The following RNF17 variants were observed in gnomAD, a reference collection of about 807,000 sequenced individuals.
The protein encoded by RNF17 is spermatogenesis associated 23.
A neutral mutation model predicts 200.5 loss-of-function variants in RNF17; 31 were observed. That is an observed-to-expected ratio of 0.15 (90% CI 0.12 to 0.21). RNF17 has a LOEUF of 0.21. Ranked by LOEUF, RNF17 falls within the 10% of genes least tolerant of loss-of-function variation. The pLI is 1.00. For synonymous variants in RNF17, 606 were observed against 637.8 expected (o/e 0.95, Z 0.75); for missense variants, 1,628 against 1,905.1 (o/e 0.85, Z 2.71).
intron 17 of RNF17, 84 bp downstream of exon 17, chr13:24,830,683 T>G: frequency 1.0e-6 from 1 of 962,924 alleles, no homozygotes; most frequent in South Asian, 1.4e-5. Context: ...ATCATAGAAA[T>G]GTTAGTGTCC....
intron 23 of RNF17, among the ~76,000 whole-genome samples, chr13:24,851,151 C>A (rs536349240): frequency 1.3e-5 from 2 of 152,178 alleles, no homozygotes; most frequent in African/African-American, 4.8e-5. Flanking sequence ...TGCGCCACCA[C>A]GCCTGGCTAA....
intron 10 of RNF17, 99 bp downstream of exon 10, chr13:24,793,445 C>A: frequency 9.2e-7 from 1 of 1,082,020 alleles, no homozygotes; most frequent in Non-Finnish European, 1.3e-6. Context: ...AATATAATTG[C>A]TGTTATAATC....
At chr13:24,809,273 C>T (rs1316493904) in intron 15 of RNF17, among the ~76,000 whole-genome samples, 1 of 150,976 alleles carries the variant, frequency 6.6e-6, no homozygotes, top group Non-Finnish European at 1.5e-5. Context: ...TCCATCTGGT[C>T]CTGGACTCTT....
chr13:24,842,818 C>T (rs1195246699), intron 19 of RNF17, among the ~76,000 whole-genome samples: 3 of 151,828 alleles, frequency 2.0e-5, no homozygotes, highest in African/African-American at 7.3e-5. Context: ...AACCCCATCT[C>T]TACTAAAAAT....
In RNF17 at chr13:24,850,460, G is replaced by C. The variant is rs1420293121; in HGVS notation, c.3204+17G>C. 1 of 1,407,186 alleles carries C rather than the reference G, an allele frequency of 7.1e-7. No homozygotes were observed. Among genetic ancestry groups the C allele is most frequent in the East Asian group, 2.3e-5 (1 of 43,788 alleles). 87.2% of individuals were successfully genotyped at this position (1,407,186 alleles called of 1,614,324 possible). A position where few individuals can be genotyped will look rare whatever the true frequency, so the allele number is the denominator to read the frequency against. Reference sequence around the variant, plus strand: ...GATAGTGAGGTAACAAGTTACAAGAGATATGTGCTGATGATCTCATTAATG... The same window carrying C: ...GATAGTGAGGTAACAAGTTACAAGACATATGTGCTGATGATCTCATTAATG... On this transcript the variant is annotated intron_variant, in intron 23 of 35. Transcript: ENST00000255324.
downstream of RNF17, among the ~76,000 whole-genome samples, chr13:24,881,813 T>TATCTATATAGATAC (rs1258641521): frequency 2.9e-4 from 29 of 98,332 alleles, 6 homozygotes; most frequent in Middle Eastern, 5.4e-3. Context: ...TCTAGATATC[T>TATCTATATAGATAC]ATCTATATAG....
At chr13:24,793,383 G>T in intron 10 of RNF17, 37 bp downstream of exon 10, 1 of 1,526,558 alleles carries the variant, frequency 6.6e-7, no homozygotes, top group Non-Finnish European at 8.8e-7. Context: ...GAAAGATCTT[G>T]TATCTGTAAT....
intron 16 of RNF17, among the ~76,000 whole-genome samples, chr13:24,827,722 A>AAAAAAAAAAAAAAAAT (rs1888881377): frequency 6.8e-6 from 1 of 146,732 alleles, no homozygotes. Flanking sequence ...AAAAAACAAA[A>AAAAAAAAAAAAAAAAT]AAAAAAAAAC....
downstream of RNF17, among the ~76,000 whole-genome samples, chr13:24,880,100 A>G (rs1177589676): frequency 6.6e-6 from 1 of 152,168 alleles, no homozygotes; most frequent in African/African-American, 2.4e-5. Context: ...ATACTGCTAT[A>G]AAGAACTGCC....
the RNF17 span, chr13:24,885,783 A>T: frequency 1.3e-6 from 1 of 765,890 alleles, no homozygotes; most frequent in Non-Finnish European, 2.3e-6. Flanking sequence ...TTTATCCATT[A>T]GTTAAGGATG....
At chr13:24,830,326 G>T (rs1413864703) in intron 16 of RNF17, among the ~76,000 whole-genome samples, 158 bp from the exon 17 acceptor site, 1 of 151,688 alleles carries the variant, frequency 6.6e-6, no homozygotes, top group African/African-American at 2.4e-5. Flanking sequence ...GATGATTTCG[G>T]GGTTCACATA....
intron 6 of RNF17, 51 bp from the exon 7 acceptor site, chr13:24,787,937 C>T (rs1484402200): frequency 7.1e-7 from 1 of 1,411,076 alleles, no homozygotes; most frequent in Non-Finnish European, 9.5e-7. Flanking sequence ...TCGACTTTTT[C>T]TATAAATATT....
At chr13:24,781,497 A>G (rs1347267657) in intron 5 of RNF17, among the ~76,000 whole-genome samples, 1 of 151,778 alleles carries the variant, frequency 6.6e-6, no homozygotes, top group Non-Finnish European at 1.5e-5. Context: ...TTAGTTGGAC[A>G]TGGGGCTACG....
At chr13:24,775,026 C>G (rs1173166005) in intron 3 of RNF17, 122 bp downstream of exon 3, 2 of 615,628 alleles carry the variant, frequency 3.2e-6, no homozygotes, top group South Asian at 2.5e-5. Flanking sequence ...ATGGAATGCT[C>G]TTTAAGTTCA....
At position 24,852,136 on chromosome 13, in the gene RNF17, C is replaced by CTTTTT. The variant is rs542414882; in HGVS notation, c.3320+579_3320+583dup. On this transcript the variant is annotated intron_variant, in intron 24 of 35. Coordinates refer to ENST00000255324, the MANE Select transcript of RNF17 (RefSeq NM_031277.3). ...CTAGCTTAATCTTTTCTCTCTCTCTCTTTTTTTTTTTTTTTTTTCTGAGAC... is the reference window on the plus strand; with the variant it reads ...CTAGCTTAATCTTTTCTCTCTCTCTCTTTTTTTTTTTTTTTTTTTTTTTCTGAGAC... Among the ~76,000 whole-genome samples, 2 of 123,368 alleles carry CTTTTT rather than the reference C, an allele frequency of 1.6e-5. 1 individual carries two copies. The highest frequency in any genetic ancestry group is 6.2e-5 in the African/African-American group (2 of 32,260). The allele number at this position is 123,368 out of a possible 152,430, so 80.9% of individuals were successfully genotyped here. A position where few individuals can be genotyped will look rare whatever the true frequency, so the allele number is the denominator to read the frequency against.
At chr13:24,779,080 C>T (rs567926071) in intron 4 of RNF17, among the ~76,000 whole-genome samples, 138 of 152,168 alleles carry the variant, frequency 9.1e-4, no homozygotes, top group African/African-American at 3.2e-3. Context: ...ACCTGTAATT[C>T]CAGTTACTCG....
chr13:24,884,208 G>A, downstream of RNF17: 1 of 1,614,196 alleles, frequency 6.2e-7, no homozygotes, highest in Non-Finnish European at 8.5e-7. Flanking sequence ...CTCCGGGTAT[G>A]TCGTGTGAGT....
At chr13:24,880,351 G>C (rs1035783825), downstream of RNF17, among the ~76,000 whole-genome samples, 1 of 152,140 alleles carries the variant, frequency 6.6e-6, no homozygotes, top group Non-Finnish European at 1.5e-5. Context: ...CACCTCCCAC[G>C]AGGTCCCTCC....
chr13:24,830,889 A>G (rs777498423), intron 17 of RNF17, among the ~76,000 whole-genome samples: 4 of 152,242 alleles, frequency 2.6e-5, no homozygotes, highest in Admixed American at 1.3e-4. Flanking sequence ...TTCATGATAT[A>G]TCAAGTTAAA....
Sources: gnomAD v4.1 joint callset for allele counts (sites outside exome capture counted in the v4.1 genomes callset) on GRCh38, gnomAD v4.1.1 for gene constraint, MANE v1.5 for transcripts, NCBI Gene and HGNC (gene_info 2026-07-23, HGNC 2026-07-21) for gene names.